Variants in EML6 observed in about 807,000 individuals in gnomAD.
EML6 encodes EMAP like 6.
Under a neutral mutation model 240.1 loss-of-function variants are expected in EML6, and 154 were observed. The observed-to-expected ratio is 0.64, with a 90% confidence interval of 0.56 to 0.73. The LOEUF is 0.73. EML6 is among the 30% of genes least tolerant of loss of function. EML6 has a pLI of 0.00. For missense variants in EML6, 2,964 were observed against 2,474.6 expected (o/e 1.20, Z -4.20); for synonymous variants, 1,148 against 899.0 (o/e 1.28, Z -4.95).
intron 2 of EML6, among the ~76,000 whole-genome samples, chr2:54,771,386 A>G (rs1485126337): frequency 1.3e-5 from 2 of 152,212 alleles, no homozygotes; most frequent in Non-Finnish European, 2.9e-5. Flanking sequence ...GAGCGGATAC[A>G]TTATCATAGG....
rs1461889590 is a variant in EML6 at position 54,970,694 on chromosome 2, T to C, written c.*599T>C. ...TATATCCATTAAGTGCCTTTGAAAGTTTCCAGTTGTGTGGGCTGCTGTCTC... is the reference window on the plus strand; with the variant it reads ...TATATCCATTAAGTGCCTTTGAAAGCTTCCAGTTGTGTGGGCTGCTGTCTC... On this transcript the variant is annotated 3_prime_UTR_variant, in exon 42 of 42. Transcript: ENST00000356458. The C allele has an allele frequency of 1.3e-5, 2 of 153,224 alleles. No homozygotes were observed. Among genetic ancestry groups the C allele is most frequent in the Non-Finnish European group, 2.9e-5 (2 of 68,736 alleles). The allele number at this position is 153,224 out of a possible 1,614,324, so 9.5% of individuals were successfully genotyped here. A position where few individuals can be genotyped will look rare whatever the true frequency, so the allele number is the denominator to read the frequency against.
chr2:54,818,841 T>A (rs1668196310), intron 4 of EML6, among the ~76,000 whole-genome samples: 1 of 152,200 alleles, frequency 6.6e-6, no homozygotes, highest in Non-Finnish European at 1.5e-5. Flanking sequence ...CACACATAAT[T>A]TTGCTCTTTA....
chr2:54,903,372 T>A lies in EML6; in HGVS notation c.3279T>A (p.Asp1093Glu). The change falls in exon 24 of 42, where the codon GAT (aspartate) becomes GAA (glutamate). Residue 1093 changes from aspartate (D) to glutamate (E), a missense_variant and splice_region_variant. Asp to Glu is a conservative substitution (Grantham distance 45). Transcript: ENST00000356458. ...TTAACCCCACATTTTTCTTAACAGA[T>A]ACGGGAAAATACCTTGCCGTGGCAT... ...EMISDIKFSK[D>E]TGKYLAVASH... The A allele has an allele frequency of 6.4e-7, 1 of 1,551,236 alleles. No homozygotes were observed. Among genetic ancestry groups the A allele is most frequent in the Non-Finnish European group, 8.7e-7 (1 of 1,146,836 alleles).
At chr2:54,794,897 A>G (rs1447109033) in intron 2 of EML6, among the ~76,000 whole-genome samples, 1 of 152,194 alleles carries the variant, frequency 6.6e-6, no homozygotes, top group East Asian at 1.9e-4. Flanking sequence ...CATCTGTATG[A>G]TGGCAACTGA....
chr2:54,819,511 C>T (rs1216178377), intron 4 of EML6, among the ~76,000 whole-genome samples: 3 of 152,154 alleles, frequency 2.0e-5, no homozygotes, highest in Admixed American at 6.5e-5. Flanking sequence ...GGCACGGTGG[C>T]TCATGCCTGT....
intron 24 of EML6, among the ~76,000 whole-genome samples, chr2:54,906,753 A>G (rs954556402): frequency 6.6e-6 from 1 of 152,184 alleles, no homozygotes; most frequent in African/African-American, 2.4e-5. Context: ...GCCATGAGAC[A>G]TGTGTCATCC....
rs562255406 is a variant in EML6 at position 54,950,760 on chromosome 2, C to G, written c.4194C>G (p.Ile1398Met). ...DIIFHTAAAG[I>M]VQNLSTGSQS... Reference sequence around the variant, plus strand: ...TCTTCCACACAGCAGCGGCTGGCATCGTTCAGAACCTCTCCACAGGTAACC... The same window carrying G: ...TCTTCCACACAGCAGCGGCTGGCATGGTTCAGAACCTCTCCACAGGTAACC... The change falls in exon 30 of 42, where the codon ATC (isoleucine) becomes ATG (methionine). Residue 1398 changes from isoleucine to methionine, a missense_variant. Physicochemically the swap from Ile to Met is conservative, Grantham distance 10. Transcript: ENST00000356458. The G allele has an allele frequency of 7.5e-5, 116 of 1,551,340 alleles. No individual in the cohort carries two copies. The highest frequency in any genetic ancestry group is 1.0e-4 in the Non-Finnish European group (115 of 1,146,936).
chr2:54,781,613 C>T (rs902884423), intron 2 of EML6, among the ~76,000 whole-genome samples: 1 of 152,078 alleles, frequency 6.6e-6, no homozygotes, highest in Non-Finnish European at 1.5e-5. Flanking sequence ...AAAAAACATA[C>T]AAGTGTTATA....
Position 54,970,066 on chromosome 2 carries a change from TTCAGTG to T in EML6, c.5853-3_5855del. On this transcript the variant is annotated splice_acceptor_variant and splice_polypyrimidine_tract_variant and coding_sequence_variant and intron_variant, in exon 42 of 42. Transcript: ENST00000356458. LOFTEE classifies it high-confidence loss of function. ...GCAAAATGACTGTTTGATCTGCCTT[TTCAGTG>T]TATTTGTGTGGCGATGTCTGTAAAA... 1 of 1,551,688 alleles carries T rather than the reference TTCAGTG, an allele frequency of 6.4e-7. No homozygotes were observed. Among genetic ancestry groups the T allele is most frequent in the Non-Finnish European group, 8.7e-7 (1 of 1,146,958 alleles).
chr2:54,736,699 C>G (rs1303407582), intron 2 of EML6, among the ~76,000 whole-genome samples: 1 of 152,192 alleles, frequency 6.6e-6, no homozygotes. Context: ...AGCTGATCAC[C>G]TTCTCCTCAG....
chr2:54,737,723 C>A (rs1008065307), intron 2 of EML6, among the ~76,000 whole-genome samples: 6 of 152,178 alleles, frequency 3.9e-5, no homozygotes, highest in African/African-American at 1.4e-4. Context: ...TAATTGCAGT[C>A]TTTGCTGTAT....
At chr2:54,767,628 G>A (rs1019644383) in intron 2 of EML6, among the ~76,000 whole-genome samples, 3,405 of 119,492 alleles carry the variant, frequency 0.028, 127 homozygotes, top group African/African-American at 0.088. Flanking sequence ...GTGTGTGTGT[G>A]TGTATGTGTG....
intron 2 of EML6, among the ~76,000 whole-genome samples, chr2:54,811,828 T>C (rs774441977): frequency 9.2e-5 from 14 of 152,224 alleles, no homozygotes; most frequent in Non-Finnish European, 1.8e-4. Flanking sequence ...TTCTTATTGA[T>C]AATCTCTCAC....
chr2:54,960,147 G>A (rs1450675780), intron 34 of EML6, 73 bp from the exon 35 acceptor site: 1 of 1,105,800 alleles, frequency 9.0e-7, no homozygotes, highest in Non-Finnish European at 1.3e-6. Context: ...TGGGAAAGAG[G>A]GGAGAGGGCC....
chr2:54,899,959 C>T (rs1456839229), intron 22 of EML6, among the ~76,000 whole-genome samples, 177 bp downstream of exon 22: 1 of 152,272 alleles, frequency 6.6e-6, no homozygotes, highest in South Asian at 2.1e-4. Flanking sequence ...AGAATTATGC[C>T]AGAAGGCTGG....
At chr2:54,800,613 C>A (rs1355993167) in intron 2 of EML6, among the ~76,000 whole-genome samples, 1 of 152,122 alleles carries the variant, frequency 6.6e-6, no homozygotes, top group Admixed American at 6.5e-5. Context: ...TGAATGCACT[C>A]AAGAGGGCAT....
At chr2:54,799,247 G>T (rs955616695) in intron 2 of EML6, among the ~76,000 whole-genome samples, 4 of 151,958 alleles carry the variant, frequency 2.6e-5, no homozygotes, top group African/African-American at 7.3e-5. Flanking sequence ...TTTTAGTAGA[G>T]AAGGAGTTTT....
chr2:54,838,663 C>T (rs550466846), intron 7 of EML6, among the ~76,000 whole-genome samples: 1 of 152,238 alleles, frequency 6.6e-6, no homozygotes, highest in Admixed American at 6.5e-5. Flanking sequence ...AAAATCAGGG[C>T]CACGGACTGG....
intron 26 of EML6, 68 bp from the exon 27 acceptor site, chr2:54,928,245 C>G (rs367874704): frequency 1.2e-5 from 15 of 1,213,796 alleles, no homozygotes; most frequent in East Asian, 5.1e-5. Flanking sequence ...TAGAAACTAA[C>G]ATGGATAAAC....
Sources: allele counts gnomAD v4.1 joint callset (sites outside exome capture counted in the v4.1 genomes callset), GRCh38; gene constraint gnomAD v4.1.1; transcripts MANE v1.5; gene names NCBI Gene and HGNC (gene_info 2026-07-23, HGNC 2026-07-21).